The following RIMS1 variants were observed in gnomAD, a reference collection of about 807,000 sequenced individuals.
The protein encoded by RIMS1 is regulating synaptic membrane exocytosis 1.
RIMS1 carries 83 observed loss-of-function variants against 214.1 expected under a neutral mutation model. That is an observed-to-expected ratio of 0.39 (90% CI 0.32 to 0.47). RIMS1 has a LOEUF of 0.47. Among genes scored for constraint, RIMS1 ranks in the 20% least tolerant of loss-of-function variants. The probability of loss-of-function intolerance (pLI) is 0.99; values close to 1 mark genes in which losing one functional copy is unlikely to be tolerated. For synonymous variants in RIMS1, 793 were observed against 786.8 expected (o/e 1.01, Z -0.13); for missense variants, 2,050 against 2,161.8 (o/e 0.95, Z 1.03).
In RIMS1 at chr6:72,305,527, G is replaced by C. The variant is rs561222208; in HGVS notation, c.3851-1731G>C. Among the ~76,000 whole-genome samples the C allele has an allele frequency of 1.2e-4, 18 of 152,160 alleles. No homozygotes were observed. In the South Asian group the frequency reaches 1.2e-3, roughly 11 times the overall value. On this transcript the variant is annotated intron_variant, in intron 26 of 33. Transcript: ENST00000521978. ...AAGCAAATGATTGAGCGTGTACCCAGAAGTACTCACACCATAGGCAAAAGA... is the reference window on the plus strand; with the variant it reads ...AAGCAAATGATTGAGCGTGTACCCACAAGTACTCACACCATAGGCAAAAGA...
chr6:71,913,491 G>C (rs1777502380), intron 1 of RIMS1, among the ~76,000 whole-genome samples: 1 of 151,960 alleles, frequency 6.6e-6, no homozygotes, highest in African/African-American at 2.4e-5. Context: ...TATTTCTCCT[G>C]CCCCCGCCCC....
chr6:71,936,278 G>A (rs1049867435), intron 1 of RIMS1, among the ~76,000 whole-genome samples: 7 of 131,394 alleles, frequency 5.3e-5, no homozygotes, highest in Admixed American at 8.6e-5. Flanking sequence ...AGTGAGCCGA[G>A]ATCGCGCCAC....
rs529353390 is a variant in RIMS1 at position 72,078,964 on chromosome 6, A to G, written c.246-17985A>G. Among the ~76,000 whole-genome samples the G allele has an allele frequency of 5.9e-5, 9 of 152,272 alleles. No homozygotes were observed. The East Asian group carries it at 1.3e-3, about 23-fold the overall frequency. ...TATTTGAGGAAGTTAACTTTATCAC[A>G]TCACAGTTCACGTTTGTATAACTTC... On this transcript the variant is annotated intron_variant, in intron 2 of 33. Transcript: ENST00000521978.
At chr6:72,251,535 A>G (rs2073318711) in intron 15 of RIMS1, among the ~76,000 whole-genome samples, 167 bp downstream of exon 15, 1 of 152,178 alleles carries the variant, frequency 6.6e-6, no homozygotes, top group African/African-American at 2.4e-5. Flanking sequence ...ACATTTTCAC[A>G]ATGAAAATAA....
intron 33 of RIMS1, 34 bp from the exon 34 acceptor site, chr6:72,400,462 G>A (rs372996928): frequency 1.3e-6 from 2 of 1,569,862 alleles, no homozygotes; most frequent in Non-Finnish European, 1.8e-6. Flanking sequence ...GCAGAGAGAA[G>A]TCCAGGTAAT....
chr6:72,257,332 G>A (rs1055481523), intron 16 of RIMS1, among the ~76,000 whole-genome samples: 2 of 151,438 alleles, frequency 1.3e-5, no homozygotes, highest in Non-Finnish European at 2.9e-5. Context: ...TAACTAAATC[G>A]CAGACAATAT....
intron 29 of RIMS1, among the ~76,000 whole-genome samples, chr6:72,337,237 G>A (rs1463487016): frequency 6.6e-6 from 1 of 151,780 alleles, no homozygotes; most frequent in African/African-American, 2.4e-5. Context: ...TAGTGGCCCA[G>A]CCTGTGTAAT....
At chr6:72,278,193 ATC>A (rs1231256601) in intron 23 of RIMS1, among the ~76,000 whole-genome samples, 1 of 151,726 alleles carries the variant, frequency 6.6e-6, no homozygotes, top group Non-Finnish European at 1.5e-5. Flanking sequence ...CTATCTATCT[ATC>A]TATATATGAT....
chr6:72,159,109 A>T (rs1316801416), intron 4 of RIMS1, among the ~76,000 whole-genome samples: 1 of 141,078 alleles, frequency 7.1e-6, no homozygotes, highest in Non-Finnish European at 1.6e-5. Context: ...GTGAGATGGT[A>T]TCTGACTGTG....
At chr6:72,106,858 G>A (rs1026935160) in intron 4 of RIMS1, among the ~76,000 whole-genome samples, 1 of 152,162 alleles carries the variant, frequency 6.6e-6, no homozygotes, top group South Asian at 2.1e-4. Context: ...GACCATTTGG[G>A]AGGACTCTTG....
Position 72,259,074 on chromosome 6 carries a change from A to G in RIMS1, c.3016A>G (p.Arg1006Gly), listed in dbSNP as rs747580614. The change falls in exon 18 of 34, where the codon AGA becomes GGA. Residue 1006 changes from arginine (R) to glycine (G), a missense_variant. Arg to Gly is a moderately radical substitution (Grantham distance 125, BLOSUM62 -2). Coordinates refer to ENST00000521978, the MANE Select transcript of RIMS1 (RefSeq NM_014989.7). ...CCGAAGTCCAGTTGATCATAGAACCAGAGATGTGGATAGTCAGTATTTATC... is the reference window on the plus strand; with the variant it reads ...CCGAAGTCCAGTTGATCATAGAACCGGAGATGTGGATAGTCAGTATTTATC... ...ASRSPVDHRT[R>G]DVDSQYLSEQ... 1.2e-6 allele frequency: 2 copies of G among 1,612,634 alleles called. No homozygotes were observed. The highest frequency in any genetic ancestry group is 2.7e-5 in the African/African-American group (2 of 74,996).
chr6:72,147,239 A>G (rs1269770155), intron 4 of RIMS1, among the ~76,000 whole-genome samples: 2 of 152,178 alleles, frequency 1.3e-5, no homozygotes, highest in Non-Finnish European at 2.9e-5. Flanking sequence ...ATTTTTCTTT[A>G]GTCAATTAAT....
chr6:71,897,925 C>A (rs983239897), intron 1 of RIMS1, among the ~76,000 whole-genome samples: 14 of 152,144 alleles, frequency 9.2e-5, no homozygotes, highest in African/African-American at 3.4e-4. Context: ...GATGATTATT[C>A]TAACCACGGG....
rs147476609 is a variant in RIMS1 at position 71,947,717 on chromosome 6, T to G, written c.165-21266T>G. Among the ~76,000 whole-genome samples the G allele has an allele frequency of 7.7e-3, 1,165 of 152,226 alleles. 13 individuals carry two copies. The highest frequency in any genetic ancestry group is 0.026 in the African/African-American group (1,097 of 41,572). The stretch of plus-strand genomic sequence containing the variant: ...AAATGTTCTTGCCACAAGAAAACAA[T>G]AAGTATTTTAGGAAAGGCATATAGT... On this transcript the variant is annotated intron_variant, in intron 1 of 33. Transcript: ENST00000521978.
chr6:71,893,418 A>T (rs1199224828), intron 1 of RIMS1, among the ~76,000 whole-genome samples: 7 of 152,186 alleles, frequency 4.6e-5, no homozygotes, highest in Admixed American at 4.6e-4. Flanking sequence ...AGGCAATCCT[A>T]ATTCAAAAAT....
chr6:72,166,386 T>C (rs2046269409), intron 4 of RIMS1, among the ~76,000 whole-genome samples: 1 of 151,980 alleles, frequency 6.6e-6, no homozygotes, highest in South Asian at 2.1e-4. Context: ...GATTACCTCT[T>C]TGTAGTCCCT....
intron 1 of RIMS1, among the ~76,000 whole-genome samples, chr6:71,898,804 A>G (rs559523514): frequency 6.6e-6 from 1 of 152,280 alleles, no homozygotes; most frequent in African/African-American, 2.4e-5. Context: ...ATTTTTCATT[A>G]CTGAGAGAGC....
At chr6:72,359,855 T>C (rs1229740917) in intron 29 of RIMS1, among the ~76,000 whole-genome samples, 1 of 152,142 alleles carries the variant, frequency 6.6e-6, no homozygotes, top group African/African-American at 2.4e-5. Flanking sequence ...AGCAGATATC[T>C]AAAGAATTAT....
At position 71,941,389 on chromosome 6, in the gene RIMS1, A is replaced by G. The variant is rs1330594752; in HGVS notation, c.165-27594A>G. ...GGCAATCATAATTGGAATATCCATT[A>G]TCACCTGCCTTTTTACATAGAAGTG... On this transcript the variant is annotated intron_variant, in intron 1 of 33. Transcript: ENST00000521978. Among the ~76,000 whole-genome samples the G allele has an allele frequency of 5.3e-5, 8 of 152,348 alleles. No individual in the cohort carries two copies. The South Asian group carries it at 1.7e-3, about 32-fold the overall frequency.
Sources: allele counts gnomAD v4.1 joint callset (sites outside exome capture counted in the v4.1 genomes callset), GRCh38; gene constraint gnomAD v4.1.1; transcripts MANE v1.5; gene names NCBI Gene and HGNC (gene_info 2026-07-23, HGNC 2026-07-21).